The following PTPN3 variants were observed in gnomAD, a reference collection of about 807,000 sequenced individuals.
PTPN3 encodes the protein tyrosine-protein phosphatase non-receptor type 3.
Under a neutral mutation model 132.7 loss-of-function variants are expected in PTPN3, and 96 were observed. The ratio of observed to expected loss-of-function variants is 0.72; its 90% CI spans 0.61 to 0.86. The LOEUF (loss-of-function observed/expected upper bound fraction) is 0.86, where lower values mean the gene tolerates loss of function less well. PTPN3 is among the 40% of genes least tolerant of loss of function. PTPN3 has a pLI of 0.00. For missense variants in PTPN3, 1,125 were observed against 1,159.6 expected (o/e 0.97, Z 0.43); for synonymous variants, 398 against 429.0 (o/e 0.93, Z 0.89).
chr9:109,398,545 G>A (rs535935824), intron 19 of PTPN3, among the ~76,000 whole-genome samples: 2 of 152,296 alleles, frequency 1.3e-5, no homozygotes, highest in Non-Finnish European at 2.9e-5. Flanking sequence ...TGAAGTGGAG[G>A]GGCCGGGTAT....
At chr9:109,497,998 C>A (rs2132136845) in intron 1 of PTPN3, among the ~76,000 whole-genome samples, 1 of 145,986 alleles carries the variant, frequency 6.8e-6, no homozygotes, top group East Asian at 2.0e-4. Context: ...GCGCCCCGCC[C>A]GCGCCCTCCC....
In PTPN3 at chr9:109,383,624, T is replaced by TGGACG; in HGVS notation, c.2254-78_2254-74dup. 5 of 1,569,210 alleles carry TGGACG rather than the reference T, an allele frequency of 3.2e-6. No individual in the cohort carries two copies. The South Asian group carries it at 5.8e-5, about 18-fold the overall frequency. The stretch of plus-strand genomic sequence containing the variant: ...CTGCAAGCAGTTAACCCTGGACAGG[T>TGGACG]GGACGGGTTAGGCATCCTCTCATGC... On this transcript the variant is annotated intron_variant, in intron 22 of 25. Transcript: ENST00000374541.
In PTPN3 at chr9:109,438,392, G is replaced by A. The variant is rs117060208; in HGVS notation, c.467-158C>T. Among the ~76,000 whole-genome samples the A allele has an allele frequency of 2.6e-5, 4 of 152,298 alleles. No homozygotes were observed. The East Asian group carries it at 7.7e-4, about 29-fold the overall frequency. ...GAACTGAAGCTTCTCACTAGCTCCA[G>A]ATTCCACACTTATCTGAGCCTTCAC... On this transcript the variant is annotated intron_variant, in intron 7 of 25. Transcript: ENST00000374541.
the PTPN3 span, among the ~76,000 whole-genome samples, chr9:109,504,851 T>C: frequency 6.6e-6 from 1 of 152,156 alleles, no homozygotes; most frequent in African/African-American, 2.4e-5. Flanking sequence ...GAAGATGGCG[T>C]CCTGAACTGC....
At chr9:109,396,513 G>A (rs902606704) in intron 19 of PTPN3, among the ~76,000 whole-genome samples, 1 of 152,188 alleles carries the variant, frequency 6.6e-6, no homozygotes, top group Non-Finnish European at 1.5e-5. Context: ...GAGTCACCAG[G>A]AGGCTGAGAG....
chr9:109,423,275 G>C (rs1008684459), intron 12 of PTPN3, among the ~76,000 whole-genome samples: 4 of 152,160 alleles, frequency 2.6e-5, no homozygotes, highest in African/African-American at 9.7e-5. Context: ...TAAATCACTG[G>C]TAAATCTTTG....
intron 1 of PTPN3, among the ~76,000 whole-genome samples, chr9:109,495,093 A>G (rs1419278816): frequency 6.6e-6 from 1 of 152,182 alleles, no homozygotes; most frequent in Non-Finnish European, 1.5e-5. Flanking sequence ...ACCTGGACCC[A>G]GCCAAGAGCA....
intron 18 of PTPN3, among the ~76,000 whole-genome samples, chr9:109,406,155 G>C (rs922057753): frequency 1.3e-5 from 2 of 152,196 alleles, no homozygotes; most frequent in African/African-American, 4.8e-5. Flanking sequence ...ATGCCACTTA[G>C]AGAGTGCGTG....
rs1390025519 is a variant in PTPN3, at chr9:109,389,399, G to A, written c.2107-20C>T. 6.2e-7 allele frequency: 1 copy of A among 1,608,344 alleles called. No individual in the cohort carries two copies. The highest frequency in any genetic ancestry group is 2.2e-5 in the East Asian group (1 of 44,722). ...TTCCATCTGGTAAGAAATTGGTAAAGTATTAGAATCTGTTGCTGCCCCAGG... is the reference window on the plus strand; with the variant it reads ...TTCCATCTGGTAAGAAATTGGTAAAATATTAGAATCTGTTGCTGCCCCAGG... On this transcript the variant is annotated intron_variant, in intron 21 of 25. Transcript: ENST00000374541.
At chr9:109,530,323 AT>A in the PTPN3 span, among the ~76,000 whole-genome samples, 94 of 152,060 alleles carry the variant, frequency 6.2e-4, no homozygotes, top group Non-Finnish European at 6.3e-4. Context: ...GTGGAATCAT[AT>A]TTGTCCTTTT....
intron 17 of PTPN3, 129 bp downstream of exon 17, chr9:109,408,192 C>T (rs1219722219): frequency 3.1e-6 from 2 of 642,232 alleles, no homozygotes; most frequent in Non-Finnish European, 5.2e-6. Context: ...TTATAGAAAA[C>T]ATGGTGATGT....
intron 10 of PTPN3, among the ~76,000 whole-genome samples, chr9:109,431,113 G>A (rs1564434166): frequency 6.6e-6 from 1 of 152,232 alleles, no homozygotes; most frequent in Admixed American, 6.5e-5. Context: ...CAGGGGCCAG[G>A]CCTCGACAGG....
intron 1 of PTPN3, among the ~76,000 whole-genome samples, chr9:109,481,198 C>T (rs1160203460): frequency 6.6e-6 from 1 of 152,194 alleles, no homozygotes; most frequent in Non-Finnish European, 1.5e-5. Context: ...TCAAGTCCCT[C>T]AGTGCACAGA....
intron 25 of PTPN3, 109 bp from the exon 26 acceptor site, chr9:109,379,742 A>C: frequency 1.1e-6 from 1 of 923,646 alleles, no homozygotes; most frequent in Non-Finnish European, 1.7e-6. Context: ...CCTGAGCGCC[A>C]ACTCTGGGCC....
At chr9:109,408,796 A>AATATATATATATATATATATAT (rs1219154297) in intron 16 of PTPN3, among the ~76,000 whole-genome samples, 3 of 108,368 alleles carry the variant, frequency 2.8e-5, no homozygotes, top group African/African-American at 7.4e-5. Context: ...AAAAAAAAAA[A>AATATATATATATATATATATAT]ATATATATAT....
the PTPN3 span, among the ~76,000 whole-genome samples, chr9:109,505,580 A>G: frequency 6.6e-6 from 1 of 152,164 alleles, no homozygotes; most frequent in South Asian, 2.1e-4. Context: ...CACCCAGCCT[A>G]TAAGAATCTT....
chr9:109,450,757 G>T (rs1181926846), intron 5 of PTPN3: 2 of 985,334 alleles, frequency 2.0e-6, no homozygotes. Flanking sequence ...TAGTTCTTTA[G>T]AAGAGATGCC....
chr9:109,497,345 C>G (rs1029630839), intron 1 of PTPN3, among the ~76,000 whole-genome samples: 1 of 152,166 alleles, frequency 6.6e-6, no homozygotes, highest in African/African-American at 2.4e-5. Flanking sequence ...ACTTAATCCA[C>G]TCAACAACCC....
intron 1 of PTPN3, among the ~76,000 whole-genome samples, chr9:109,490,141 C>A (rs1403812652): frequency 1.3e-5 from 2 of 151,954 alleles, no homozygotes; most frequent in African/African-American, 4.8e-5. Flanking sequence ...CGAGATCGCG[C>A]CACTGCACTC....
Sources: allele counts gnomAD v4.1 joint callset (sites outside exome capture counted in the v4.1 genomes callset), GRCh38; gene constraint gnomAD v4.1.1; transcripts MANE v1.5; gene names NCBI Gene and HGNC (gene_info 2026-07-23, HGNC 2026-07-21).